LCOR: variants seen among roughly 807,000 people sequenced by gnomAD.
LCOR encodes the protein ligand-dependent corepressor.
LCOR carries 14 observed loss-of-function variants against 64.4 expected under a neutral mutation model. The observed-to-expected ratio is 0.22, with a 90% CI of 0.14 to 0.34. LCOR has a LOEUF of 0.34. Ranked by LOEUF, LCOR falls within the 10% of genes least tolerant of loss-of-function variation. LCOR has a pLI of 1.00. For missense variants in LCOR, 1,686 were observed against 1,765.3 expected (o/e 0.96, Z 0.80); for synonymous variants, 643 against 642.5 (o/e 1.00, Z -0.01).
intron 7 of LCOR, among the ~76,000 whole-genome samples, chr10:96,953,517 C>G (rs887473149): frequency 6.6e-6 from 1 of 152,124 alleles, no homozygotes; most frequent in Non-Finnish European, 1.5e-5. Context: ...CAACACTGCA[C>G]TCAAGCCTGG....
chr10:96,990,519 A>G lies in LCOR; in HGVS notation c.*5385A>G, dbSNP rs187955885. ...TCAGAACAGAGTCCTGTATTCTACA[A>G]TGGATGGATTGGAAGACTTGAGGAT... On this transcript the variant is annotated 3_prime_UTR_variant, in exon 8 of 8. Transcript: ENST00000421806. 3 of 152,240 alleles carry G rather than the reference A, an allele frequency of 2.0e-5. No homozygotes were observed. The highest frequency in any genetic ancestry group is 1.9e-4 in the East Asian group (1 of 5,184). The allele number at this position is 152,240 out of a possible 1,614,324, so 9.4% of individuals were successfully genotyped here.
intron 2 of LCOR, among the ~76,000 whole-genome samples, chr10:96,905,851 C>T (rs1403550407): frequency 6.6e-6 from 1 of 152,052 alleles, no homozygotes; most frequent in African/African-American, 2.4e-5. Context: ...TATAGAAAAA[C>T]CAGCTCTCTA....
At chr10:96,848,770 G>A (rs1021977677) in intron 2 of LCOR, among the ~76,000 whole-genome samples, 5 of 152,104 alleles carry the variant, frequency 3.3e-5, no homozygotes, top group African/African-American at 1.2e-4. Context: ...TATACAGGAT[G>A]TTCAGTTATT....
intron 1 of LCOR, chr10:96,832,988 G>A: frequency 2.0e-6 from 2 of 985,080 alleles, no homozygotes; most frequent in South Asian, 4.7e-5. Context: ...GGGGCGGAGG[G>A]AGCTGGAGCT....
At chr10:96,923,461 C>T (rs72819856) in intron 4 of LCOR, among the ~76,000 whole-genome samples, 2,691 of 152,282 alleles carry the variant, frequency 0.018, 29 homozygotes, top group Middle Eastern at 0.082. Context: ...CTACCCTTTC[C>T]TATTGAAACT....
chr10:96,945,738 A>G (rs767676637), intron 5 of LCOR, among the ~76,000 whole-genome samples: 1 of 152,062 alleles, frequency 6.6e-6, no homozygotes, highest in African/African-American at 2.4e-5. Flanking sequence ...AGCAAGCTTC[A>G]TTATCTGAAA....
intron 4 of LCOR, among the ~76,000 whole-genome samples, chr10:96,917,726 T>C (rs1192014584): frequency 6.6e-6 from 1 of 152,204 alleles, no homozygotes; most frequent in Non-Finnish European, 1.5e-5. Flanking sequence ...GAGTCATGGC[T>C]GTGAAGATGC....
chr10:96,970,264 G>C (rs1037021039), intron 7 of LCOR, among the ~76,000 whole-genome samples: 6 of 152,008 alleles, frequency 3.9e-5, no homozygotes, highest in Non-Finnish European at 5.9e-5. Flanking sequence ...CGGGTGTGGT[G>C]GCGCTTGCCT....
intron 2 of LCOR, among the ~76,000 whole-genome samples, chr10:96,873,284 A>G (rs796527802): frequency 2.6e-5 from 4 of 152,270 alleles, no homozygotes; most frequent in African/African-American, 7.2e-5. Context: ...GTGGGGAAAA[A>G]CATTATGAGG....
intron 4 of LCOR, among the ~76,000 whole-genome samples, chr10:96,942,984 G>C (rs1308820189): frequency 6.6e-6 from 1 of 152,128 alleles, no homozygotes; most frequent in Non-Finnish European, 1.5e-5. Flanking sequence ...GTAGGTGCAA[G>C]GTATTGCCAA....
intron 2 of LCOR, among the ~76,000 whole-genome samples, chr10:96,863,003 C>G (rs898321985): frequency 6.6e-6 from 1 of 151,298 alleles, no homozygotes; most frequent in African/African-American, 2.4e-5. Context: ...GCCTCAGCCT[C>G]CCAGGTAGCT....
intron 4 of LCOR, among the ~76,000 whole-genome samples, chr10:96,925,052 AT>A (rs1223975081): frequency 4.0e-5 from 6 of 151,168 alleles, no homozygotes; most frequent in Admixed American, 3.3e-4. Context: ...TTATTTATTT[AT>A]TTTATTTATT....
Position 96,915,512 on chromosome 10 carries a change from T to A in LCOR, c.-184+7765T>A, listed in dbSNP as rs377310119. On this transcript the variant is annotated intron_variant, in intron 4 of 7. Transcript: ENST00000421806. Reference sequence around the variant, plus strand: ...CTCCAGCCTGGGGAGAGAGTGAGACTCCGTCTCCTAAATAAATAAATAAAA... The same window carrying A: ...CTCCAGCCTGGGGAGAGAGTGAGACACCGTCTCCTAAATAAATAAATAAAA... 4 of 460,136 alleles carry A rather than the reference T, an allele frequency of 8.7e-6. No homozygotes were observed. In the East Asian group the frequency reaches 1.8e-4, roughly 21 times the overall value. 28.5% of individuals were successfully genotyped at this position (460,136 alleles called of 1,614,324 possible). A position where few individuals can be genotyped will look rare whatever the true frequency, so the allele number is the denominator to read the frequency against.
chr10:96,890,005 G>A (rs922279424), intron 2 of LCOR, among the ~76,000 whole-genome samples: 3 of 152,062 alleles, frequency 2.0e-5, no homozygotes, highest in East Asian at 1.9e-4. Context: ...GAGCATCTGC[G>A]CCGTTTTGCA....
intron 7 of LCOR, among the ~76,000 whole-genome samples, chr10:96,953,450 C>T (rs749434346): frequency 2.0e-5 from 3 of 152,042 alleles, no homozygotes; most frequent in Non-Finnish European, 2.9e-5. Flanking sequence ...ACTAAGGAGG[C>T]TGAGGTGGGA....
At chr10:96,877,702 C>T (rs1846192837) in intron 2 of LCOR, among the ~76,000 whole-genome samples, 1 of 150,182 alleles carries the variant, frequency 6.7e-6, no homozygotes, top group Non-Finnish European at 1.5e-5. Context: ...AGCTCAGCCT[C>T]CCGGGTTCAC....
At chr10:96,903,805 G>A (rs1393784884) in intron 2 of LCOR, among the ~76,000 whole-genome samples, 2 of 152,052 alleles carry the variant, frequency 1.3e-5, no homozygotes, top group Admixed American at 6.6e-5. Flanking sequence ...TGATTAAATC[G>A]GAAGCTAATC....
Position 96,980,919 on chromosome 10 carries a change from C to T in LCOR, c.459C>T (p.Tyr153=), listed in dbSNP as rs1415295094. ...KQFIRVLNDL[Y]TESQPGTEDL... ...TCATTCGTGTTCTGAACGACCTGTA[C>T]ACTGAATCTCAACCAGGCACTGAGG... Residue 153 remains tyrosine (Y), a synonymous_variant, in exon 8 of 8, where the codon TAC becomes TAT. Transcript: ENST00000421806. 1 of 703,028 alleles carries T rather than the reference C, an allele frequency of 1.4e-6. No individual in the cohort carries two copies. The highest frequency in any genetic ancestry group is 1.7e-5 in the African/African-American group (1 of 57,368). 43.5% of individuals were successfully genotyped at this position (703,028 alleles called of 1,614,324 possible).
intron 4 of LCOR, among the ~76,000 whole-genome samples, chr10:96,929,655 T>C (rs1847224111): frequency 6.6e-6 from 1 of 152,246 alleles, no homozygotes; most frequent in Non-Finnish European, 1.5e-5. Context: ...AAGAACTTTT[T>C]CCTTTACATC....
Sources: allele counts gnomAD v4.1 joint callset (sites outside exome capture counted in the v4.1 genomes callset), GRCh38; gene constraint gnomAD v4.1.1; transcripts MANE v1.5; gene names NCBI Gene and HGNC (gene_info 2026-07-23, HGNC 2026-07-21).